The following RAPGEF5 variants were observed in gnomAD, a reference collection of about 807,000 sequenced individuals.
RAPGEF5 encodes the protein M-Ras-regulated GEF.
A neutral mutation model predicts 125.2 loss-of-function variants in RAPGEF5; 65 were observed. The observed-to-expected ratio is 0.52, with a 90% confidence interval of 0.43 to 0.64. RAPGEF5 has a LOEUF of 0.64. Among genes scored for constraint, RAPGEF5 ranks in the 30% least tolerant of loss-of-function variants. The pLI is 0.00. For missense variants in RAPGEF5, 958 were observed against 1,048.1 expected (o/e 0.91, Z 1.19); for synonymous variants, 391 against 385.9 (o/e 1.01, Z -0.16).
rs749576250 is a variant in RAPGEF5, at chr7:22,211,963, C to CTTT, written c.996+7900_996+7902dup. Among the ~76,000 whole-genome samples, 548 of 114,282 alleles carry CTTT rather than the reference C, an allele frequency of 4.8e-3. 13 individuals are homozygous for CTTT. Among genetic ancestry groups the CTTT allele is most frequent in the African/African-American group, 0.012 (352 of 29,434 alleles). 75.0% of individuals were successfully genotyped at this position (114,282 alleles called of 152,430 possible). On this transcript the variant is annotated intron_variant, in intron 9 of 25. Transcript: ENST00000665637. ...CCCCTTGTGTTATCACATGTGTTCT[C>CTTT]TTTTTTTTTTTTTTTTTTTTTTAGA...
At chr7:22,277,773 A>G (rs1432595938) in intron 6 of RAPGEF5, among the ~76,000 whole-genome samples, 1 of 152,086 alleles carries the variant, frequency 6.6e-6, no homozygotes, top group Non-Finnish European at 1.5e-5. Context: ...TTAGGCTTAG[A>G]ATTTCTTTCA....
chr7:22,220,009 A>C lies in RAPGEF5; in HGVS notation c.871-18T>G. ...ACCCCTGCCTTAAGAGTTGGAGAAA[A>C]AGCGAAGATATACTTAAAACCACAG... On this transcript the variant is annotated intron_variant, in intron 8 of 25. Coordinates refer to ENST00000665637, the MANE Select transcript of RAPGEF5 (RefSeq NM_012294.5). 6.2e-7 allele frequency: 1 copy of C among 1,612,726 alleles called. No individual in the cohort carries two copies. Among genetic ancestry groups the C allele is most frequent in the Non-Finnish European group, 8.5e-7 (1 of 1,179,214 alleles).
At chr7:22,197,901 G>GGGGC (rs1554327473) in intron 9 of RAPGEF5, among the ~76,000 whole-genome samples, 1 of 144,618 alleles carries the variant, frequency 6.9e-6, no homozygotes, top group African/African-American at 2.6e-5. Context: ...TTTGGGGGGG[G>GGGGC]GTGGTAGGAG....
At chr7:22,172,560 T>C (rs1297521486) in intron 11 of RAPGEF5, among the ~76,000 whole-genome samples, 1 of 152,224 alleles carries the variant, frequency 6.6e-6, no homozygotes, top group Admixed American at 6.5e-5. Flanking sequence ...AAAATTCCCA[T>C]TTTATTTCTG....
chr7:22,187,149 T>G (rs1784849854), intron 11 of RAPGEF5, among the ~76,000 whole-genome samples: 1 of 152,160 alleles, frequency 6.6e-6, no homozygotes, highest in African/African-American at 2.4e-5. Flanking sequence ...GTGCAAGGGC[T>G]ATGTGATGGT....
chr7:22,133,607 A>G (rs1460567308), intron 23 of RAPGEF5, among the ~76,000 whole-genome samples: 1 of 152,104 alleles, frequency 6.6e-6, no homozygotes, highest in Non-Finnish European at 1.5e-5. Context: ...CCCTTCAGAG[A>G]CCCGCACAAA....
chr7:22,146,593 A>T (rs1783446768), intron 19 of RAPGEF5, among the ~76,000 whole-genome samples: 1 of 152,202 alleles, frequency 6.6e-6, no homozygotes, highest in Admixed American at 6.5e-5. Flanking sequence ...AATATCAAAG[A>T]TAAAATGGTT....
intron 1 of RAPGEF5, among the ~76,000 whole-genome samples, chr7:22,351,347 A>G (rs889659578): frequency 6.6e-6 from 1 of 152,242 alleles, no homozygotes; most frequent in African/African-American, 2.4e-5. Flanking sequence ...TATTAATGGC[A>G]TTTATTTACC....
intron 1 of RAPGEF5, among the ~76,000 whole-genome samples, chr7:22,351,888 G>C (rs774485647): frequency 5.3e-5 from 8 of 152,184 alleles, no homozygotes; most frequent in Non-Finnish European, 8.8e-5. Context: ...GGGATACTTT[G>C]TTCCTTTTTG....
chr7:22,291,373 G>T (rs1782931940), intron 5 of RAPGEF5, 132 bp from the exon 6 acceptor site: 2 of 1,368,832 alleles, frequency 1.5e-6, no homozygotes, highest in East Asian at 5.1e-5. Flanking sequence ...AAATAACAAA[G>T]GTTGTGACAG....
At chr7:22,134,038 G>A (rs1001583905) in intron 23 of RAPGEF5, among the ~76,000 whole-genome samples, 60 of 152,254 alleles carry the variant, frequency 3.9e-4, no homozygotes, top group African/African-American at 1.4e-3. Flanking sequence ...CAAAGTGGGA[G>A]GCACAAGAGA....
In RAPGEF5 at chr7:22,125,676, A is replaced by AAAC; in HGVS notation, c.2482-21_2482-19dup. On this transcript the variant is annotated intron_variant, in intron 24 of 25. Transcript: ENST00000665637. ...ATCATATGCTGTAAAGTAGAACAGG[A>AAAC]AACACATCAATGGAAGGGTCGTTGA... 1 of 1,600,540 alleles carries AAAC rather than the reference A, an allele frequency of 6.2e-7. No individual in the cohort carries two copies. The highest frequency in any genetic ancestry group is 8.6e-7 in the Non-Finnish European group (1 of 1,167,894).
rs1464321453 is a variant in RAPGEF5, at chr7:22,145,195, T to C, written c.2035A>G (p.Arg679Gly). Residue 679 changes from arginine to glycine, a missense_variant, in exon 20 of 26, where the codon AGA becomes GGA. Coordinates refer to ENST00000665637, the MANE Select transcript of RAPGEF5 (RefSeq NM_012294.5). The part of the protein sequence containing the change: ...EQELIYFTFS[R>G]QGSGEHTANL... The stretch of plus-strand genomic sequence containing the variant: ...GCAGTGTGTTCCCCACTTCCCTGTC[T>C]GCTGAACGTGAAGTAGATCAGCTCT... 6.2e-7 allele frequency: 1 copy of C among 1,612,800 alleles called. No homozygotes were observed. The highest frequency in any genetic ancestry group is 8.5e-7 in the Non-Finnish European group (1 of 1,179,436).
At chr7:22,351,388 G>A (rs1784325950) in intron 1 of RAPGEF5, among the ~76,000 whole-genome samples, 1 of 152,134 alleles carries the variant, frequency 6.6e-6, no homozygotes, top group Non-Finnish European at 1.5e-5. Context: ...ATATCAGCAG[G>A]TACTATAAGG....
In RAPGEF5 at chr7:22,254,872, A is replaced by G. The variant is rs113817238; in HGVS notation, c.796+12092T>C. Among the ~76,000 whole-genome samples the G allele has an allele frequency of 2.3e-3, 357 of 152,214 alleles. 2 individuals carry two copies. Among genetic ancestry groups the G allele is most frequent in the African/African-American group, 8.0e-3 (334 of 41,516 alleles). The stretch of plus-strand genomic sequence containing the variant: ...GCACCTGTGAAAATCGAATGCTGCC[A>G]CTGATCTGACAGGTGGTGGAACTCA... On this transcript the variant is annotated intron_variant, in intron 7 of 25. Coordinates refer to ENST00000665637, the MANE Select transcript of RAPGEF5 (RefSeq NM_012294.5).
intron 11 of RAPGEF5, among the ~76,000 whole-genome samples, chr7:22,189,752 A>G (rs1218565238): frequency 6.6e-6 from 1 of 152,200 alleles, no homozygotes; most frequent in East Asian, 1.9e-4. Flanking sequence ...TAGTTTTCCT[A>G]CTTTAAACAA....
chr7:22,147,071 T>C, intron 18 of RAPGEF5, 52 bp from the exon 19 acceptor site: 2 of 1,584,912 alleles, frequency 1.3e-6, no homozygotes, highest in East Asian at 4.5e-5. Context: ...TGTTTTGCAC[T>C]GCATTGGCTG....
intron 7 of RAPGEF5, among the ~76,000 whole-genome samples, chr7:22,246,949 C>T (rs1430381674): frequency 6.6e-6 from 1 of 152,108 alleles, no homozygotes; most frequent in Non-Finnish European, 1.5e-5. Context: ...AAAGAAGACA[C>T]ACAAGCAGCC....
At chr7:22,331,141 G>T (rs55778816) in intron 1 of RAPGEF5, among the ~76,000 whole-genome samples, 10,616 of 152,186 alleles carry the variant, frequency 0.07, 476 homozygotes, top group South Asian at 0.16. Flanking sequence ...ATAGCAACCC[G>T]TGGGAGGAAA....
Sources: gnomAD v4.1 joint callset for allele counts (sites outside exome capture counted in the v4.1 genomes callset) on GRCh38, gnomAD v4.1.1 for gene constraint, MANE v1.5 for transcripts, NCBI Gene and HGNC (gene_info 2026-07-23, HGNC 2026-07-21) for gene names.